SEMA6A: variants seen among roughly 807,000 people sequenced by gnomAD.
The protein encoded by SEMA6A is semaphorin-6A.
Under a neutral mutation model 96.8 loss-of-function variants are expected in SEMA6A, and 25 were observed. That is an observed-to-expected ratio of 0.26 (90% confidence interval 0.19 to 0.36). The LOEUF is 0.36. Ranked by LOEUF, SEMA6A falls within the 10% of genes least tolerant of loss-of-function variation. The pLI is 1.00. For missense variants in SEMA6A, 1,363 were observed against 1,323.1 expected (o/e 1.03, Z -0.47); for synonymous variants, 612 against 518.0 (o/e 1.18, Z -2.46).
intron 5 of SEMA6A, 129 bp downstream of exon 5, chr5:116,496,122 A>G (rs1454083989): frequency 3.3e-5 from 25 of 766,376 alleles, no homozygotes; most frequent in Non-Finnish European, 5.4e-5. Context: ...CAGTAAGTTG[A>G]TGAAAAAAGC....
intron 18 of SEMA6A, among the ~76,000 whole-genome samples, chr5:116,462,756 C>A (rs780721553): frequency 5.9e-5 from 9 of 152,164 alleles, no homozygotes; most frequent in African/African-American, 2.2e-4. Flanking sequence ...GAACAAAGTT[C>A]TTGGTAATAG....
chr5:116,458,024 C>T (rs1377037457), intron 18 of SEMA6A, among the ~76,000 whole-genome samples: 2 of 152,030 alleles, frequency 1.3e-5, no homozygotes, highest in South Asian at 2.1e-4. Context: ...ACCTGATTTC[C>T]ACTGTTTTGC....
chr5:116,569,396 G>A (rs1374138019), intron 1 of SEMA6A, among the ~76,000 whole-genome samples: 1 of 152,188 alleles, frequency 6.6e-6, no homozygotes, highest in Non-Finnish European at 1.5e-5. Context: ...GGAGGTCAGA[G>A]AGGTTGGAAC....
chr5:116,572,776 C>G (rs917258856), intron 1 of SEMA6A, among the ~76,000 whole-genome samples: 1 of 152,184 alleles, frequency 6.6e-6, no homozygotes, highest in Non-Finnish European at 1.5e-5. Flanking sequence ...CTAGCTGCAT[C>G]CCGAGCTGTC....
At chr5:116,498,370 G>A (rs1332535544) in intron 3 of SEMA6A, 1 of 152,116 alleles carries the variant, frequency 6.6e-6, no homozygotes, top group Non-Finnish European at 1.5e-5. Context: ...AGAGCGGGGA[G>A]GTGATAAGAA....
chr5:116,478,378 G>T (rs1756576405), intron 13 of SEMA6A, 164 bp downstream of exon 13: 4 of 828,068 alleles, frequency 4.8e-6, no homozygotes, highest in Non-Finnish European at 7.4e-6. Flanking sequence ...ACACACATTG[G>T]CAAGGAGAAA....
At chr5:116,457,924 C>G (rs1046893832) in intron 18 of SEMA6A, among the ~76,000 whole-genome samples, 2 of 152,024 alleles carry the variant, frequency 1.3e-5, no homozygotes, top group Admixed American at 1.3e-4. Flanking sequence ...TAATGGCATG[C>G]GTGATGTAGT....
chr5:116,512,781 A>C (rs1758477177), intron 1 of SEMA6A, among the ~76,000 whole-genome samples: 1 of 151,358 alleles, frequency 6.6e-6, no homozygotes, highest in Admixed American at 6.6e-5. Flanking sequence ...TGGATGTTTC[A>C]GATACAGTCT....
At chr5:116,467,776 A>AG (rs775048907) in intron 17 of SEMA6A, 29 bp from the exon 18 acceptor site, 2 of 1,611,504 alleles carry the variant, frequency 1.2e-6, no homozygotes, top group Non-Finnish European at 1.7e-6. Flanking sequence ...CAGTTAGGAA[A>AG]ACATCACCAG....
chr5:116,497,413 A>T (rs1185170675), intron 3 of SEMA6A, 26 bp from the exon 4 acceptor site: 1 of 1,426,816 alleles, frequency 7.0e-7, no homozygotes, highest in African/African-American at 1.4e-5. Flanking sequence ...AATTAATACA[A>T]GGTCAAACAC....
intron 10 of SEMA6A, among the ~76,000 whole-genome samples, chr5:116,483,222 C>T (rs1280378280): frequency 6.6e-6 from 1 of 152,198 alleles, no homozygotes; most frequent in Non-Finnish European, 1.5e-5. Flanking sequence ...TCAGCTCCAC[C>T]TATAATTATA....
At chr5:116,466,572 T>A (rs1038814832) in intron 18 of SEMA6A, among the ~76,000 whole-genome samples, 1 of 151,982 alleles carries the variant, frequency 6.6e-6, no homozygotes. Context: ...CAGATGAAAA[T>A]GTAGCCTGAG....
intron 1 of SEMA6A, among the ~76,000 whole-genome samples, chr5:116,525,772 C>G (rs1433960173): frequency 6.6e-6 from 1 of 152,210 alleles, no homozygotes; most frequent in East Asian, 1.9e-4. Context: ...AAGTCATTAT[C>G]TACTTGGCTT....
chr5:116,473,615 T>A (rs1756287186), intron 16 of SEMA6A, among the ~76,000 whole-genome samples: 1 of 152,226 alleles, frequency 6.6e-6, no homozygotes, highest in Admixed American at 6.5e-5. Flanking sequence ...TATCTGGGTG[T>A]GTGCTGTGTG....
intron 10 of SEMA6A, among the ~76,000 whole-genome samples, chr5:116,484,043 G>T (rs896948050): frequency 7.2e-6 from 1 of 139,078 alleles, no homozygotes; most frequent in Admixed American, 7.4e-5. Flanking sequence ...CAGCCTGGGC[G>T]ACAGAGTGAG....
intron 18 of SEMA6A, among the ~76,000 whole-genome samples, chr5:116,466,021 C>G (rs2112642929): frequency 7.0e-6 from 1 of 142,458 alleles, no homozygotes; most frequent in South Asian, 2.2e-4. Flanking sequence ...AGCAGGGAAT[C>G]CCTCAAACTG....
chr5:116,559,168 G>A (rs1466085435), intron 1 of SEMA6A, among the ~76,000 whole-genome samples: 1 of 152,160 alleles, frequency 6.6e-6, no homozygotes. Flanking sequence ...CCAACTGCAA[G>A]ACCAAATGCT....
chr5:116,498,736 T>G (rs947425354), intron 3 of SEMA6A: 1 of 152,230 alleles, frequency 6.6e-6, no homozygotes, highest in Non-Finnish European at 1.5e-5. Flanking sequence ...ATTACTTGCT[T>G]GACTTTATTG....
intron 1 of SEMA6A, among the ~76,000 whole-genome samples, chr5:116,547,997 T>C (rs188699773): frequency 7.2e-4 from 109 of 152,080 alleles, no homozygotes; most frequent in African/African-American, 2.5e-3. Context: ...CATGGTAGCA[T>C]GGTTATTTTG....
Sources: gnomAD v4.1 joint callset for allele counts (sites outside exome capture counted in the v4.1 genomes callset) on GRCh38, gnomAD v4.1.1 for gene constraint, MANE v1.5 for transcripts, NCBI Gene and HGNC (gene_info 2026-07-23, HGNC 2026-07-21) for gene names.